CDK5RAP2: variants seen among roughly 807,000 people sequenced by gnomAD.
The protein encoded by CDK5RAP2 is CDK5 regulatory subunit-associated protein 2.
CDK5RAP2 carries 147 observed loss-of-function variants against 232.9 expected under a neutral mutation model. That is an observed-to-expected ratio of 0.63 (90% CI 0.55 to 0.72). The LOEUF is 0.72. CDK5RAP2 is among the 30% of genes least tolerant of loss of function. The pLI is 0.00. For synonymous variants in CDK5RAP2, 833 were observed against 833.7 expected (o/e 1.00, Z 0.01); for missense variants, 2,195 against 2,231.5 (o/e 0.98, Z 0.33).
intron 14 of CDK5RAP2, among the ~76,000 whole-genome samples, chr9:120,482,304 C>T (rs1324033180): frequency 6.6e-6 from 1 of 152,192 alleles, no homozygotes; most frequent in Admixed American, 6.5e-5. Flanking sequence ...CTGCCTGCCA[C>T]ACCAGGGCCT....
Position 120,477,270 on chromosome 9 carries a change from T to G in CDK5RAP2, c.1727+80A>C, listed in dbSNP as rs1014911372. 1.5e-5 allele frequency: 16 copies of G among 1,041,098 alleles called. No individual in the cohort carries two copies. In the African/African-American group the frequency reaches 2.0e-4, roughly 13 times the overall value. The allele number at this position is 1,041,098 out of a possible 1,614,324, so 64.5% of individuals were successfully genotyped here. A position where few individuals can be genotyped will look rare whatever the true frequency, so the allele number is the denominator to read the frequency against. The stretch of plus-strand genomic sequence containing the variant: ...TGCTGCCTTAGAGATCAGCACTGAT[T>G]GAAAGGGTGTGTGCGTGTATGCGCG... On this transcript the variant is annotated intron_variant, in intron 15 of 37. Transcript: ENST00000349780.
Position 120,389,821 on chromosome 9 carries a change from C to G in CDK5RAP2, c.5579-34G>C, listed in dbSNP as rs2297457. 0.7 allele frequency: 1,116,212 copies of G among 1,603,718 alleles called. 389,918 individuals carry two copies. The highest frequency in any genetic ancestry group is 0.79 in the East Asian group (35,300 of 44,820). ...AGAGCAAAGAATGCAATGATTAGGGCCATGGATATCCAGGAGAGCTGTGTG... is the reference window on the plus strand; with the variant it reads ...AGAGCAAAGAATGCAATGATTAGGGGCATGGATATCCAGGAGAGCTGTGTG... On this transcript the variant is annotated intron_variant, in intron 36 of 37. Transcript: ENST00000349780.
intron 24 of CDK5RAP2, among the ~76,000 whole-genome samples, chr9:120,437,811 C>A (rs1292942878): frequency 6.6e-6 from 1 of 152,186 alleles, no homozygotes; most frequent in Non-Finnish European, 1.5e-5. Context: ...AGTTTCCATA[C>A]ACTCTTCAAA....
At chr9:120,458,703 G>A in intron 19 of CDK5RAP2, 81 bp from the exon 20 acceptor site, 1 of 1,247,062 alleles carries the variant, frequency 8.0e-7, no homozygotes, top group South Asian at 1.2e-5. Context: ...GAGATGCAGG[G>A]TAAGTGAGTA....
chr9:120,465,597 G>C (rs540627119), intron 18 of CDK5RAP2, among the ~76,000 whole-genome samples: 60 of 151,962 alleles, frequency 3.9e-4, no homozygotes, highest in Non-Finnish European at 6.9e-4. Flanking sequence ...AAAGTTGTTG[G>C]GGGGAGGGGG....
At chr9:120,427,044 G>A (rs2034951814) in intron 25 of CDK5RAP2, among the ~76,000 whole-genome samples, 1 of 152,208 alleles carries the variant, frequency 6.6e-6, no homozygotes, top group Admixed American at 6.5e-5. Flanking sequence ...TCACCTAGCT[G>A]TAGGATTTAC....
chr9:120,470,226 CA>C lies in CDK5RAP2; in HGVS notation c.1859-7del. 1 of 1,328,854 alleles carries C rather than the reference CA, an allele frequency of 7.5e-7. No individual in the cohort carries two copies. The highest frequency in any genetic ancestry group is 1.0e-6 in the Non-Finnish European group (1 of 961,400). 82.3% of individuals were successfully genotyped at this position (1,328,854 alleles called of 1,614,324 possible). ...ATAAAGTGAAAATGATTCTTCTGCC[CA>C]AAAAAGAAAAAAAAAAGGTGGGGAG... On this transcript the variant is annotated splice_polypyrimidine_tract_variant and splice_region_variant and intron_variant, in intron 16 of 37. Transcript: ENST00000349780.
rs2040402525 is a variant in CDK5RAP2 at position 120,517,762 on chromosome 9, T to C, written c.1311+665A>G. ...CTTTGGCCCAGTTATTATACCTCTA[T>C]CAGGAACAATCAGTGAGGTGGGCAT... On this transcript the variant is annotated intron_variant, in intron 12 of 37. Coordinates refer to ENST00000349780, the MANE Select transcript of CDK5RAP2 (RefSeq NM_018249.6). 3 of 236,746 alleles carry C rather than the reference T, an allele frequency of 1.3e-5. No individual in the cohort carries two copies. The South Asian group carries it at 1.6e-4, about 12-fold the overall frequency. 14.7% of individuals were successfully genotyped at this position (236,746 alleles called of 1,614,324 possible).
chr9:120,555,978 A>G (rs916275618), intron 3 of CDK5RAP2, among the ~76,000 whole-genome samples: 10 of 152,228 alleles, frequency 6.6e-5, no homozygotes, highest in Admixed American at 6.5e-4. Context: ...CATTCTGGGA[A>G]AAGCAAAATT....
chr9:120,403,300 C>T lies in CDK5RAP2; in HGVS notation c.5042-229G>A, dbSNP rs2033196777. 7.3e-6 allele frequency: 4 copies of T among 551,268 alleles called. No individual in the cohort carries two copies. Among genetic ancestry groups the T allele is most frequent in the Middle Eastern group, 5.0e-4 (1 of 2,016 alleles). The allele number at this position is 551,268 out of a possible 1,614,324, so 34.1% of individuals were successfully genotyped here. A position where few individuals can be genotyped will look rare whatever the true frequency, so the allele number is the denominator to read the frequency against. ...GAGGCTCAAGTCAACTCAACCAACA[C>T]TTATCAACCACCCACTCGGCAGAAG... On this transcript the variant is annotated intron_variant, in intron 33 of 37. Transcript: ENST00000349780. This position sits in a 1 kb window ranked among gnomAD's most constrained non-coding sequence, Gnocchi z 4.2.
intron 12 of CDK5RAP2, among the ~76,000 whole-genome samples, chr9:120,516,849 T>C (rs372643289): frequency 3.3e-5 from 5 of 152,310 alleles, no homozygotes; most frequent in Middle Eastern, 3.4e-3. Flanking sequence ...TATGTACATA[T>C]ATACATAGGC....
In CDK5RAP2 at chr9:120,504,179, T is replaced by C. The variant is rs538059134; in HGVS notation, c.1312-12702A>G. ...TGGGGTAGTTGATGTTGTTACTGTT[T>C]GGGAAAAGGGAGGGTGTGTGCAGCT... is the stretch of plus-strand genomic sequence containing the variant. On this transcript the variant is annotated intron_variant, in intron 12 of 37. Coordinates refer to ENST00000349780, the MANE Select transcript of CDK5RAP2 (RefSeq NM_018249.6). Among the ~76,000 whole-genome samples the C allele has an allele frequency of 5.3e-5, 8 of 152,218 alleles. No homozygotes were observed. The South Asian group carries it at 1.7e-3, about 32-fold the overall frequency.
At chr9:120,535,656 G>A (rs1029495926) in intron 7 of CDK5RAP2, among the ~76,000 whole-genome samples, 1 of 152,132 alleles carries the variant, frequency 6.6e-6, no homozygotes, top group Non-Finnish European at 1.5e-5. Context: ...TAAGGTTTAT[G>A]GTAAGGAATA....
At chr9:120,474,071 CA>C (rs2037871694) in intron 15 of CDK5RAP2, among the ~76,000 whole-genome samples, 1 of 152,194 alleles carries the variant, frequency 6.6e-6, no homozygotes, top group South Asian at 2.1e-4. Flanking sequence ...CACTACTGGG[CA>C]AGCCAGTTCA....
At chr9:120,546,552 G>A (rs1376922828) in intron 4 of CDK5RAP2, among the ~76,000 whole-genome samples, 2 of 152,234 alleles carry the variant, frequency 1.3e-5, no homozygotes, top group Non-Finnish European at 2.9e-5. Context: ...AGTAGTAGAT[G>A]GGGGTTTGGG....
At chr9:120,540,544 A>G (rs1183621551) in intron 5 of CDK5RAP2, among the ~76,000 whole-genome samples, 2 of 152,166 alleles carry the variant, frequency 1.3e-5, no homozygotes, top group East Asian at 3.8e-4. Context: ...TCTTTTCACC[A>G]ATAAAGCTTC....
intron 27 of CDK5RAP2, among the ~76,000 whole-genome samples, chr9:120,415,960 G>A (rs945557076): frequency 6.6e-6 from 1 of 152,034 alleles, no homozygotes; most frequent in African/African-American, 2.4e-5. Context: ...ATTATGTTAT[G>A]AAGACTATAT....
chr9:120,389,271 G>A lies in CDK5RAP2; in HGVS notation c.5647C>T (p.Pro1883Ser), dbSNP rs1211671769. The stretch of plus-strand genomic sequence containing the variant: ...GGTCTGCTGGGACTGCATGTTCCTG[G>A]ATGGGCTCCCCCAGGCCTAAGCTAG... ...NLELRPGGAH[P>S]GTCSPSRPGS The change falls in exon 38 of 38, where the codon CCA (proline) becomes TCA (serine). Residue 1883 changes from proline (P) to serine (S), a missense_variant. Transcript: ENST00000349780. 8.7e-6 allele frequency: 14 copies of A among 1,612,884 alleles called. No individual in the cohort carries two copies. In the Admixed American group the frequency reaches 1.8e-4, roughly 21 times the overall value.
chr9:120,472,234 T>C (rs974835504), intron 15 of CDK5RAP2, among the ~76,000 whole-genome samples: 2 of 152,234 alleles, frequency 1.3e-5, no homozygotes, highest in African/African-American at 2.4e-5. Context: ...GACTATATAA[T>C]ATTAAACCAG....
Sources: allele counts gnomAD v4.1 joint callset (sites outside exome capture counted in the v4.1 genomes callset), GRCh38; gene constraint gnomAD v4.1.1; non-coding constraint Gnocchi (gnomAD v3.1); transcripts MANE v1.5; gene names NCBI Gene and HGNC (gene_info 2026-07-23, HGNC 2026-07-21).